PPP2R1A: variants seen among roughly 807,000 people sequenced by gnomAD.
The protein encoded by PPP2R1A is serine/threonine-protein phosphatase 2A 65 kDa regulatory subunit A alpha isoform.
PPP2R1A carries 15 observed loss-of-function variants against 67.1 expected under a neutral mutation model. That is an observed-to-expected ratio of 0.22 (90% confidence interval 0.15 to 0.34). The LOEUF is 0.34. Among genes scored for constraint, PPP2R1A ranks in the 10% least tolerant of loss-of-function variants. The pLI is 1.00. For synonymous variants in PPP2R1A, 337 were observed against 325.0 expected, an observed-to-expected ratio of 1.04 and a Z score of -0.40; for missense variants, 369 against 775.0, an observed-to-expected ratio of 0.48 and a Z score of 6.22.
Position 52,213,728 on chromosome 19 carries a change from C to T in PPP2R1A, c.807+618C>T, listed in dbSNP as rs1036777525. Among the ~76,000 whole-genome samples, 8 of 151,950 alleles carry T rather than the reference C, an allele frequency of 5.3e-5. No homozygotes were observed. The highest frequency in any genetic ancestry group is 1.9e-4 in the East Asian group (1 of 5,152). On this transcript the variant is annotated intron_variant, in intron 6 of 14. Transcript: ENST00000322088. The surrounding 1 kb of genome is among the most constrained non-coding windows in gnomAD (Gnocchi z 4.2). ...CTCGAACTCCTGACCTCAAGCGATCCGCCTGCCTTCATCTCCCAAAGTGCT... is the reference window on the plus strand; with the variant it reads ...CTCGAACTCCTGACCTCAAGCGATCTGCCTGCCTTCATCTCCCAAAGTGCT...
chr19:52,199,781 A>G (rs2089530061), intron 1 of PPP2R1A, among the ~76,000 whole-genome samples: 1 of 152,234 alleles, frequency 6.6e-6, no homozygotes, highest in Non-Finnish European at 1.5e-5. Flanking sequence ...ACCCCAGGTC[A>G]GTGATTGTTA....
At chr19:52,198,454 G>A (rs8101364) in intron 1 of PPP2R1A, among the ~76,000 whole-genome samples, 21,035 of 152,038 alleles carry the variant, frequency 0.14, 1,471 homozygotes, top group Non-Finnish European at 0.15. Context: ...CCCCTCTTTG[G>A]GTTTGATTAA....
chr19:52,211,604 C>T lies in PPP2R1A; in HGVS notation c.503+112C>T. Reference sequence around the variant, plus strand: ...GGCCCAAATGCCCCTGAACTCTCTCCACTCCCACTCCTGCTTACCACCTGA... The same window carrying T: ...GGCCCAAATGCCCCTGAACTCTCTCTACTCCCACTCCTGCTTACCACCTGA... On this transcript the variant is annotated intron_variant, in intron 4 of 14. Transcript: ENST00000322088. This position sits in a 1 kb window ranked among gnomAD's most constrained non-coding sequence, Gnocchi z 5.3. 9.4e-7 allele frequency: 1 copy of T among 1,062,640 alleles called. No homozygotes were observed. The highest frequency in any genetic ancestry group is 1.6e-5 in the South Asian group (1 of 64,132). The allele number at this position is 1,062,640 out of a possible 1,614,324, so 65.8% of individuals were successfully genotyped here.
Position 52,216,191 on chromosome 19 carries a change from A to G in PPP2R1A, c.993+117A>G, listed in dbSNP as rs1978562451. 2 of 1,167,068 alleles carry G rather than the reference A, an allele frequency of 1.7e-6. No individual in the cohort carries two copies. The highest frequency in any genetic ancestry group is 2.8e-5 in the South Asian group (2 of 72,630). 72.3% of individuals were successfully genotyped at this position (1,167,068 alleles called of 1,614,324 possible). A position where few individuals can be genotyped will look rare whatever the true frequency, so the allele number is the denominator to read the frequency against. ...ACTAGGTTCCCAGCCCTCTGGGACCAGGCAGCTCTTGGGTTTCAAGCAGTT... is the reference window on the plus strand; with the variant it reads ...ACTAGGTTCCCAGCCCTCTGGGACCGGGCAGCTCTTGGGTTTCAAGCAGTT... On this transcript the variant is annotated intron_variant, in intron 8 of 14. Transcript: ENST00000322088. The surrounding 1 kb of genome is among the most constrained non-coding windows in gnomAD (Gnocchi z 4.3).
intron 3 of PPP2R1A, among the ~76,000 whole-genome samples, chr19:52,208,663 C>T (rs1295159086): frequency 1.3e-5 from 2 of 152,128 alleles, no homozygotes; most frequent in Non-Finnish European, 2.9e-5. Context: ...CCATGCCTGG[C>T]TAATTTTTGT....
At chr19:52,199,273 TCTC>T (rs1257384884) in intron 1 of PPP2R1A, among the ~76,000 whole-genome samples, 2 of 152,068 alleles carry the variant, frequency 1.3e-5, no homozygotes, top group Admixed American at 6.5e-5. Flanking sequence ...TTCACGCCAT[TCTC>T]CTGCCTCAGC....
rs2122336302 is a variant in PPP2R1A at position 52,212,850 on chromosome 19, G to A, written c.651+17G>A. On this transcript the variant is annotated intron_variant, in intron 5 of 14. Transcript: ENST00000322088. This position sits in a 1 kb window ranked among gnomAD's most constrained non-coding sequence, Gnocchi z 4.1. ...GACGAGCAGGTGAGTTTTGCTTCCTGGCCCTCTGCTCTCCCGTCCTTCTGG... is the reference window on the plus strand; with the variant it reads ...GACGAGCAGGTGAGTTTTGCTTCCTAGCCCTCTGCTCTCCCGTCCTTCTGG... The A allele has an allele frequency of 6.3e-7, 1 of 1,586,720 alleles. No individual in the cohort carries two copies. Among genetic ancestry groups the A allele is most frequent in the Non-Finnish European group, 8.6e-7 (1 of 1,164,406 alleles).
intron 11 of PPP2R1A, among the ~76,000 whole-genome samples, chr19:52,220,606 C>T (rs569627427): frequency 1.4e-4 from 22 of 152,028 alleles, no homozygotes; most frequent in African/African-American, 4.6e-4. Context: ...GCCTTGGGGC[C>T]ATTATGAGAA....
chr19:52,190,396 C>A, intron 1 of PPP2R1A: 2 of 597,314 alleles, frequency 3.3e-6, no homozygotes, highest in Non-Finnish European at 6.0e-6. Flanking sequence ...CCTCGAGGGT[C>A]CCGGGCCTGC....
Position 52,225,791 on chromosome 19 carries a change from C to A in PPP2R1A, c.1736C>A (p.Ala579Asp). Reference sequence around the variant, plus strand: ...CAGGATGTGGACGTCAAATACTTTGCCCAGGAGGCTCTGACTGGTAAGACC... The same window carrying A: ...CAGGATGTGGACGTCAAATACTTTGACCAGGAGGCTCTGACTGGTAAGACC... ...QDQDVDVKYF[A>D]QEALTVLSLA Residue 579 changes from alanine (A) to aspartate (D), a missense_variant, in exon 14 of 15, where the codon GCC becomes GAC. This residue lies in a region of PPP2R1A where 276 missense variants were observed against 508.4 expected (regional missense o/e 0.54). Coordinates refer to ENST00000322088, the MANE Select transcript of PPP2R1A (RefSeq NM_014225.6). 6.2e-7 allele frequency: 1 copy of A among 1,614,150 alleles called. No homozygotes were observed. The highest frequency in any genetic ancestry group is 8.5e-7 in the Non-Finnish European group (1 of 1,179,978).
At chr19:52,205,829 G>C (rs899836102) in intron 2 of PPP2R1A, 134 bp from the exon 3 acceptor site, 4 of 731,180 alleles carry the variant, frequency 5.5e-6, no homozygotes, top group Non-Finnish European at 7.1e-6. Flanking sequence ...GGTGGAGAGT[G>C]GGGGAGCAAG....
intron 1 of PPP2R1A, among the ~76,000 whole-genome samples, chr19:52,193,585 A>C (rs2089472524): frequency 6.6e-6 from 1 of 151,932 alleles, no homozygotes; most frequent in African/African-American, 2.4e-5. Context: ...CTTTGGTTTT[A>C]TTTTATTTTA....
At position 52,229,267 on chromosome 19, in the gene PPP2R1A, A is replaced by C. The variant is rs1049465736; in HGVS notation, c.*3286A>C. 1 of 152,080 alleles carries C rather than the reference A, an allele frequency of 6.6e-6. No homozygotes were observed. Among genetic ancestry groups the C allele is most frequent in the Non-Finnish European group, 1.5e-5 (1 of 68,088 alleles). 9.4% of individuals were successfully genotyped at this position (152,080 alleles called of 1,614,324 possible). On this transcript the variant is annotated 3_prime_UTR_variant, in exon 15 of 15. Coordinates refer to ENST00000322088, the MANE Select transcript of PPP2R1A (RefSeq NM_014225.6). ...AGACCATCCTGACCAATTCAGTGAA[A>C]CCCTGTCTTTACTAAAAATATGAAA...
intron 1 of PPP2R1A, among the ~76,000 whole-genome samples, chr19:52,194,168 G>A (rs934421919): frequency 2.6e-5 from 4 of 151,566 alleles, no homozygotes; most frequent in African/African-American, 9.7e-5. Flanking sequence ...TGCTTTGTTA[G>A]ATAGGGAGGT....
rs111902693 is a variant in PPP2R1A at position 52,199,824 on chromosome 19, A to G, written c.79-2120A>G. On this transcript the variant is annotated intron_variant, in intron 1 of 14. Transcript: ENST00000322088. ...CTATATTAGTTTTTTATCTTTCTAT[A>G]GGTCTGTCTCTATATACGTTTTATT... Among the ~76,000 whole-genome samples the G allele has an allele frequency of 9.0e-3, 1,371 of 152,276 alleles. 20 individuals carry two copies. Among genetic ancestry groups the G allele is most frequent in the African/African-American group, 0.032 (1,320 of 41,550 alleles).
At chr19:52,208,237 C>A (rs1416308004) in intron 3 of PPP2R1A, among the ~76,000 whole-genome samples, 1 of 152,082 alleles carries the variant, frequency 6.6e-6, no homozygotes, top group Admixed American at 6.5e-5. Flanking sequence ...GGCGGGATCT[C>A]GGCTCACTGC....
rs2122336845 is a variant in PPP2R1A at position 52,212,906 on chromosome 19, G to C, written c.652-49G>C. The C allele has an allele frequency of 4.5e-6, 7 of 1,566,130 alleles. No individual in the cohort carries two copies. The highest frequency in any genetic ancestry group is 6.1e-6 in the Non-Finnish European group (7 of 1,154,734). ...CCTGCCCATGAAAGAGAATCCCAGA[G>C]CTCAGCAAGGCCTCTGCTGCCCTCC... is the stretch of plus-strand genomic sequence containing the variant. On this transcript the variant is annotated intron_variant, in intron 5 of 14. Transcript: ENST00000322088. This position sits in a 1 kb window ranked among gnomAD's most constrained non-coding sequence, Gnocchi z 4.1.
In PPP2R1A at chr19:52,216,960, C is replaced by T. The variant is rs111337733; in HGVS notation, c.1128+297C>T. Reference sequence around the variant, plus strand: ...ATCCCAGCACTTTGGGAGGCTGAGGCGGGTGGATCACCTGAGGTCAGGAGT... The same window carrying T: ...ATCCCAGCACTTTGGGAGGCTGAGGTGGGTGGATCACCTGAGGTCAGGAGT... On this transcript the variant is annotated intron_variant, in intron 9 of 14. Coordinates refer to ENST00000322088, the MANE Select transcript of PPP2R1A (RefSeq NM_014225.6). The surrounding 1 kb of genome is among the most constrained non-coding windows in gnomAD (Gnocchi z 4.3). Among the ~76,000 whole-genome samples the T allele has an allele frequency of 3.2e-3, 484 of 152,204 alleles. 4 individuals are homozygous for T. The highest frequency in any genetic ancestry group is 0.011 in the African/African-American group (465 of 41,546).
intron 2 of PPP2R1A, among the ~76,000 whole-genome samples, chr19:52,204,534 C>T (rs2089583379): frequency 6.6e-6 from 1 of 152,172 alleles, no homozygotes; most frequent in Non-Finnish European, 1.5e-5. Flanking sequence ...GGTGGAAAGA[C>T]AAGGTGCTGG....
Sources: gnomAD v4.1 joint callset for allele counts (sites outside exome capture counted in the v4.1 genomes callset) on GRCh38, gnomAD v4.1.1 for gene constraint, gnomAD v4.1.1 regional missense constraint, Gnocchi (gnomAD v3.1) non-coding constraint, MANE v1.5 for transcripts, NCBI Gene and HGNC (gene_info 2026-07-23, HGNC 2026-07-21) for gene names.